ABTB3: variants seen among roughly 807,000 people sequenced by gnomAD.
ABTB3 encodes ankyrin repeat- and BTB/POZ domain-containing protein 3.
the ABTB3 span, among the ~76,000 whole-genome samples, chr12:107,466,387 C>A: frequency 6.6e-6 from 1 of 152,046 alleles, no homozygotes; most frequent in South Asian, 2.1e-4. Context: ...CAGAAGGGGA[C>A]ATTTAAAACA....
At chr12:107,342,389 T>C in the ABTB3 span, among the ~76,000 whole-genome samples, 14 of 151,994 alleles carry the variant, frequency 9.2e-5, no homozygotes, top group Non-Finnish European at 1.5e-5. Context: ...CTGTCCAGAG[T>C]AGCTCTCAGC....
chr12:107,342,834 C>G, the ABTB3 span, among the ~76,000 whole-genome samples: 4 of 152,124 alleles, frequency 2.6e-5, no homozygotes, highest in African/African-American at 9.7e-5. Context: ...TTGCTCCCAT[C>G]CAAGCATTTT....
chr12:107,393,618 C>G, the ABTB3 span, among the ~76,000 whole-genome samples: 3 of 152,218 alleles, frequency 2.0e-5, no homozygotes, highest in Admixed American at 6.5e-5. Context: ...ATAGTAGGCT[C>G]TCAGTAAATG....
At chr12:107,389,708 C>T in the ABTB3 span, among the ~76,000 whole-genome samples, 43 of 151,844 alleles carry the variant, frequency 2.8e-4, no homozygotes, top group Non-Finnish European at 5.6e-4. Flanking sequence ...GCTCCAACAA[C>T]GTCAGCTGGG....
chr12:107,588,282 G>A, the ABTB3 span, among the ~76,000 whole-genome samples: 1 of 152,184 alleles, frequency 6.6e-6, no homozygotes, highest in African/African-American at 2.4e-5. Context: ...TCTTTTGGGG[G>A]GACACATGTC....
the ABTB3 span, among the ~76,000 whole-genome samples, chr12:107,328,641 A>G: frequency 6.6e-6 from 1 of 152,190 alleles, no homozygotes; most frequent in Non-Finnish European, 1.5e-5. Flanking sequence ...TTCTTGTGAA[A>G]TGACTGTTTC....
chr12:107,501,789 G>A, the ABTB3 span, among the ~76,000 whole-genome samples: 1 of 152,172 alleles, frequency 6.6e-6, no homozygotes, highest in African/African-American at 2.4e-5. Flanking sequence ...GGGATCAAAT[G>A]AGATAGAGCG....
At chr12:107,480,922 A>G in the ABTB3 span, among the ~76,000 whole-genome samples, 1 of 152,206 alleles carries the variant, frequency 6.6e-6, no homozygotes, top group Non-Finnish European at 1.5e-5. Flanking sequence ...ATTGATTGAT[A>G]GAGTTCAGTG....
the ABTB3 span, among the ~76,000 whole-genome samples, chr12:107,431,540 C>T: frequency 6.6e-6 from 1 of 152,058 alleles, no homozygotes. Flanking sequence ...ACCTGGGCGG[C>T]GGAGGTTGCA....
the ABTB3 span, among the ~76,000 whole-genome samples, chr12:107,433,179 A>G: frequency 6.6e-6 from 1 of 150,636 alleles, no homozygotes; most frequent in Non-Finnish European, 1.5e-5. Flanking sequence ...AGTCCCAGCT[A>G]CTCGGGAGGC....
At chr12:107,373,984 T>C in the ABTB3 span, among the ~76,000 whole-genome samples, 2 of 152,144 alleles carry the variant, frequency 1.3e-5, no homozygotes, top group African/African-American at 2.4e-5. Context: ...CCGGTGGAAC[T>C]GTTAGTGTGT....
chr12:107,574,625 G>A, the ABTB3 span, among the ~76,000 whole-genome samples: 535 of 152,308 alleles, frequency 3.5e-3, 4 homozygotes, highest in Non-Finnish European at 6.1e-3. Flanking sequence ...GGGAGGCTGA[G>A]GCAGGAGAAT....
At chr12:107,530,528 G>A in the ABTB3 span, among the ~76,000 whole-genome samples, 9 of 152,088 alleles carry the variant, frequency 5.9e-5, no homozygotes, top group African/African-American at 9.7e-5. Flanking sequence ...CAACACTTTG[G>A]GGTTTTTTTC....
chr12:107,374,128 C>A, the ABTB3 span, among the ~76,000 whole-genome samples: 2 of 152,268 alleles, frequency 1.3e-5, no homozygotes, highest in Non-Finnish European at 2.9e-5. Context: ...GCAGCCGCAG[C>A]CTCCCCTCCG....
chr12:107,449,536 C>T, the ABTB3 span, among the ~76,000 whole-genome samples: 2 of 152,220 alleles, frequency 1.3e-5, no homozygotes, highest in Non-Finnish European at 2.9e-5. Context: ...AAGAATCATA[C>T]TGTGTTGGCC....
chr12:107,563,342 GAGA>G, the ABTB3 span, among the ~76,000 whole-genome samples: 1 of 152,214 alleles, frequency 6.6e-6, no homozygotes, highest in South Asian at 2.1e-4. Flanking sequence ...AAAGGTGATT[GAGA>G]ACCTACAAAG....
chr12:107,581,274 C>T, the ABTB3 span: 2 of 1,479,910 alleles, frequency 1.4e-6, no homozygotes. Context: ...CTGCTGCTGC[C>T]CGGCGTGGAC....
At chr12:107,435,183 C>T in the ABTB3 span, among the ~76,000 whole-genome samples, 1 of 152,230 alleles carries the variant, frequency 6.6e-6, no homozygotes, top group Non-Finnish European at 1.5e-5. Context: ...CCAATTGTTG[C>T]TGCTCTGTGG....
chr12:107,363,847 C>T, the ABTB3 span, among the ~76,000 whole-genome samples: 1 of 152,188 alleles, frequency 6.6e-6, no homozygotes, highest in Non-Finnish European at 1.5e-5. Flanking sequence ...TGAGGAAATA[C>T]AGGATACTGA....
Sources: gnomAD v4.1 joint callset for allele counts (sites outside exome capture counted in the v4.1 genomes callset) on GRCh38, gnomAD v4.1.1 for gene constraint, MANE v1.5 for transcripts, NCBI Gene and HGNC (gene_info 2026-07-23, HGNC 2026-07-21) for gene names.